UBASH3A: variants seen among roughly 807,000 people sequenced by gnomAD.
UBASH3A encodes the protein ubiquitin associated and SH3 domain containing A, also known as ubiquitin-associated and SH3 domain-containing protein A.
UBASH3A carries 63 observed loss-of-function variants against 73.5 expected under a neutral mutation model. That is an observed-to-expected ratio of 0.86 (90% CI 0.70 to 1.06). The LOEUF is 1.06. UBASH3A is among the 50% of genes least tolerant of loss of function. The pLI, the probability that UBASH3A is intolerant of heterozygous loss-of-function variation, is 0.00. For synonymous variants in UBASH3A, 363 were observed against 351.1 expected (o/e 1.03, Z -0.38); for missense variants, 860 against 859.0 (o/e 1.00, Z -0.02).
At chr21:42,432,509 C>G (rs1160072774) in intron 9 of UBASH3A, among the ~76,000 whole-genome samples, 1 of 145,538 alleles carries the variant, frequency 6.9e-6, no homozygotes, top group East Asian at 1.9e-4. Flanking sequence ...CTTTTCTCCT[C>G]TGAATGCCAG....
At chr21:42,409,345 A>T in intron 2 of UBASH3A, 77 bp from the exon 3 acceptor site, 2 of 1,419,084 alleles carry the variant, frequency 1.4e-6, no homozygotes, top group East Asian at 2.3e-5. Context: ...TGTCATTGTC[A>T]TTCTGTTGTG....
intron 6 of UBASH3A, among the ~76,000 whole-genome samples, chr21:42,416,819 G>A (rs2053222059): frequency 6.6e-6 from 1 of 152,210 alleles, no homozygotes; most frequent in African/African-American, 2.4e-5. Context: ...TGTAGTCCCA[G>A]CTACTCAGGA....
intron 1 of UBASH3A, 91 bp downstream of exon 1, chr21:42,404,149 G>T (rs2052920524): frequency 1.5e-6 from 1 of 664,394 alleles, no homozygotes; most frequent in Non-Finnish European, 2.3e-6. Flanking sequence ...AGGGGTGTAG[G>T]GTACGGCTTC....
chr21:42,429,171 G>T (rs1471972556), intron 8 of UBASH3A, among the ~76,000 whole-genome samples: 1 of 152,206 alleles, frequency 6.6e-6, no homozygotes, highest in East Asian at 1.9e-4. Flanking sequence ...ACCAGGAGCT[G>T]GAAGAAGCAA....
At chr21:42,418,905 G>A (rs529378847) in intron 7 of UBASH3A, among the ~76,000 whole-genome samples, 1 of 152,282 alleles carries the variant, frequency 6.6e-6, no homozygotes, top group South Asian at 2.1e-4. Flanking sequence ...TATACTCAGA[G>A]GTCCTGAGCT....
At chr21:42,414,265 C>A (rs1004300415) in intron 5 of UBASH3A, among the ~76,000 whole-genome samples, 1 of 152,210 alleles carries the variant, frequency 6.6e-6, no homozygotes, top group Non-Finnish European at 1.5e-5. Flanking sequence ...AAATCCATCC[C>A]TGAATCCTGG....
At chr21:42,415,797 G>A (rs1568915448) in intron 5 of UBASH3A, among the ~76,000 whole-genome samples, 2 of 152,186 alleles carry the variant, frequency 1.3e-5, no homozygotes, top group East Asian at 1.9e-4. Flanking sequence ...TGTTGTTCCC[G>A]TCAAGACACA....
intron 2 of UBASH3A, among the ~76,000 whole-genome samples, chr21:42,407,022 G>A (rs1045605540): frequency 6.6e-6 from 1 of 152,080 alleles, no homozygotes; most frequent in Non-Finnish European, 1.5e-5. Context: ...CCAGGTGTGT[G>A]GGTCTAAGGG....
At chr21:42,434,087 G>C (rs953313107) in intron 9 of UBASH3A, among the ~76,000 whole-genome samples, 2 of 150,686 alleles carry the variant, frequency 1.3e-5, no homozygotes, top group Non-Finnish European at 1.5e-5. Context: ...GGTGACATGA[G>C]ACCAGTGCCC....
At position 42,438,456 on chromosome 21, in the gene UBASH3A, G is replaced by A. The variant is rs139072588; in HGVS notation, c.1486+876G>A. ...GGAGATGCAGAGTGACCGCTGGGCAGCACTCAGAGCCCACCCACAGTTCAT... is the reference window on the plus strand; with the variant it reads ...GGAGATGCAGAGTGACCGCTGGGCAACACTCAGAGCCCACCCACAGTTCAT... On this transcript the variant is annotated intron_variant, in intron 11 of 14. Transcript: ENST00000319294. 6.2e-3 allele frequency among the ~76,000 whole-genome samples: 944 copies of A among 152,302 alleles called. 8 individuals are homozygous for A. Among genetic ancestry groups the A allele is most frequent in the Non-Finnish European group, 9.2e-3 (629 of 68,016 alleles).
At chr21:42,439,350 C>T (rs994197968) in intron 11 of UBASH3A, among the ~76,000 whole-genome samples, 2 of 152,146 alleles carry the variant, frequency 1.3e-5, no homozygotes, top group Non-Finnish European at 2.9e-5. Context: ...AACTGTGGCA[C>T]AGGACCCCAC....
intron 9 of UBASH3A, among the ~76,000 whole-genome samples, chr21:42,433,121 C>T (rs934173549): frequency 5.9e-5 from 9 of 152,110 alleles, no homozygotes; most frequent in African/African-American, 1.9e-4. Context: ...AATATTTGGT[C>T]ATCTGGACAA....
intron 6 of UBASH3A, among the ~76,000 whole-genome samples, chr21:42,416,995 G>A (rs1478262146): frequency 6.6e-6 from 1 of 152,178 alleles, no homozygotes; most frequent in Non-Finnish European, 1.5e-5. Context: ...AGCCCTCCAA[G>A]GGAGATATGT....
At chr21:42,437,674 AC>A in intron 11 of UBASH3A, 94 bp downstream of exon 11, 1 of 1,133,870 alleles carries the variant, frequency 8.8e-7, no homozygotes, top group Non-Finnish European at 1.3e-6. Flanking sequence ...GAATTGGATG[AC>A]TGGCAATGAA....
At chr21:42,431,772 T>C (rs1185379687) in intron 8 of UBASH3A, among the ~76,000 whole-genome samples, 1 of 152,226 alleles carries the variant, frequency 6.6e-6, no homozygotes, top group Non-Finnish European at 1.5e-5. Flanking sequence ...ATAGGGATAA[T>C]GTCCTAAGAC....
chr21:42,441,987 T>C (rs1304722529), intron 11 of UBASH3A, among the ~76,000 whole-genome samples: 1 of 152,224 alleles, frequency 6.6e-6, no homozygotes, highest in African/African-American at 2.4e-5. Flanking sequence ...CCTTCCATTC[T>C]TCACCTCTTG....
chr21:42,408,323 G>A (rs184031011), intron 2 of UBASH3A, among the ~76,000 whole-genome samples: 300 of 152,318 alleles, frequency 2.0e-3, no homozygotes, highest in African/African-American at 7.0e-3. Flanking sequence ...ACGGTAAATA[G>A]ATTTGCTATC....
chr21:42,406,171 C>A, intron 1 of UBASH3A, 137 bp from the exon 2 acceptor site: 2 of 755,802 alleles, frequency 2.6e-6, no homozygotes, highest in Non-Finnish European at 4.7e-6. Flanking sequence ...CTAGAACTTC[C>A]AGCTGGAAGT....
chr21:42,432,515 G>A (rs982044121), intron 9 of UBASH3A, among the ~76,000 whole-genome samples: 49 of 147,678 alleles, frequency 3.3e-4, no homozygotes, highest in African/African-American at 1.2e-3. Context: ...TCCTCTGAAT[G>A]CCAGGAAGTA....
Sources: allele counts gnomAD v4.1 joint callset (sites outside exome capture counted in the v4.1 genomes callset), GRCh38; gene constraint gnomAD v4.1.1; transcripts MANE v1.5; gene names NCBI Gene and HGNC (gene_info 2026-07-23, HGNC 2026-07-21).